SLC14A2: variants seen among roughly 807,000 people sequenced by gnomAD.
SLC14A2 encodes the protein solute carrier family 14 member 2.
In SLC14A2, 91 loss-of-function variants were observed where a neutral mutation model predicts 104.6. That is an observed-to-expected ratio of 0.87 (90% CI 0.73 to 1.04). The LOEUF is 1.04. Ranked by LOEUF, SLC14A2 falls within the 50% of genes least tolerant of loss-of-function variation. The pLI is 0.00. For missense variants in SLC14A2, 1,189 were observed against 1,156.0 expected (o/e 1.03, Z -0.41); for synonymous variants, 476 against 466.4 (o/e 1.02, Z -0.27).
chr18:45,246,214 A>G (rs1180165874), intron 1 of SLC14A2, among the ~76,000 whole-genome samples: 1 of 152,158 alleles, frequency 6.6e-6, no homozygotes, highest in Admixed American at 6.5e-5. Context: ...TGAGAACACA[A>G]TGAGAAGGTG....
intron 1 of SLC14A2, among the ~76,000 whole-genome samples, chr18:45,390,342 C>T (rs977491768): frequency 6.6e-6 from 1 of 152,098 alleles, no homozygotes; most frequent in African/African-American, 2.4e-5. Context: ...TTCCTCAGTG[C>T]TTGTAGGGCT....
At chr18:45,605,843 C>T (rs2044858985) in intron 2 of SLC14A2, among the ~76,000 whole-genome samples, 1 of 152,090 alleles carries the variant, frequency 6.6e-6, no homozygotes, top group African/African-American at 2.4e-5. Flanking sequence ...CAGCAGCCTG[C>T]AGTCTCCAGA....
intron 1 of SLC14A2, among the ~76,000 whole-genome samples, chr18:45,429,990 G>A (rs773187876): frequency 2.6e-5 from 4 of 152,172 alleles, no homozygotes; most frequent in Non-Finnish European, 5.9e-5. Flanking sequence ...AACTGACTGC[G>A]CTGTCTCTTG....
chr18:45,668,576 C>A, intron 15 of SLC14A2, 99 bp downstream of exon 15: 1 of 1,352,014 alleles, frequency 7.4e-7, no homozygotes, highest in Non-Finnish European at 1.0e-6. Flanking sequence ...ATTAAAGTGG[C>A]ATGTATTTAG....
At chr18:45,492,957 A>G (rs62093092) in intron 2 of SLC14A2, 23,253 of 152,124 alleles carry the variant, frequency 0.15, 1,863 homozygotes, top group Middle Eastern at 0.24. Flanking sequence ...TACTGCAGGG[A>G]TTTGGGTCTT....
intron 1 of SLC14A2, among the ~76,000 whole-genome samples, chr18:45,620,689 G>A (rs1019230083): frequency 4.0e-5 from 6 of 151,768 alleles, no homozygotes; most frequent in African/African-American, 1.5e-4. Context: ...AAATTCTTAC[G>A]GTTAGGAAAT....
intron 1 of SLC14A2, among the ~76,000 whole-genome samples, chr18:45,449,253 G>C (rs1197855913): frequency 3.3e-5 from 5 of 152,196 alleles, no homozygotes; most frequent in Non-Finnish European, 7.3e-5. Context: ...GACTATGAAA[G>C]AGCATATAGA....
At chr18:45,640,582 G>A (rs1945074170) in intron 7 of SLC14A2, among the ~76,000 whole-genome samples, 1 of 152,188 alleles carries the variant, frequency 6.6e-6, no homozygotes, top group African/African-American at 2.4e-5. Context: ...AGAGATTGGG[G>A]TAGGAGCATT....
intron 1 of SLC14A2, among the ~76,000 whole-genome samples, chr18:45,256,102 C>T (rs763406463): frequency 6.6e-6 from 1 of 152,136 alleles, no homozygotes; most frequent in Non-Finnish European, 1.5e-5. Context: ...AAATGTCCAC[C>T]CCTATCCCCA....
the SLC14A2 span, among the ~76,000 whole-genome samples, chr18:45,203,048 C>A: frequency 1.6e-4 from 24 of 152,186 alleles, no homozygotes; most frequent in African/African-American, 5.8e-4. Flanking sequence ...GAAGCAAATT[C>A]TCCAATGGCA....
the SLC14A2 span, among the ~76,000 whole-genome samples, chr18:45,181,883 TAAAC>T: frequency 6.6e-6 from 1 of 152,164 alleles, no homozygotes; most frequent in African/African-American, 2.4e-5. Context: ...TAATATGTAT[TAAAC>T]AAGAGTTTAT....
chr18:45,558,129 A>G (rs987910351), intron 2 of SLC14A2, among the ~76,000 whole-genome samples: 2 of 151,156 alleles, frequency 1.3e-5, no homozygotes, highest in African/African-American at 4.9e-5. Context: ...CTTTCCAGCT[A>G]CTCTCTCAAG....
chr18:45,277,943 G>C (rs886513598), intron 1 of SLC14A2, among the ~76,000 whole-genome samples: 10 of 152,022 alleles, frequency 6.6e-5, no homozygotes, highest in Non-Finnish European at 1.3e-4. Context: ...GTAAGTACAC[G>C]CTGCTTTTAC....
chr18:45,442,028 T>C (rs912061032), intron 1 of SLC14A2, among the ~76,000 whole-genome samples: 3 of 152,134 alleles, frequency 2.0e-5, no homozygotes, highest in Admixed American at 6.5e-5. Context: ...ACAAGGAAGA[T>C]GTATCATATC....
intron 4 of SLC14A2, among the ~76,000 whole-genome samples, chr18:45,628,836 TG>T (rs1428026151): frequency 2.0e-5 from 3 of 152,182 alleles, no homozygotes; most frequent in African/African-American, 7.2e-5. Flanking sequence ...TAATATAAAA[TG>T]CATTTCTTAC....
intron 2 of SLC14A2, among the ~76,000 whole-genome samples, chr18:45,539,797 C>T (rs1243804442): frequency 6.6e-6 from 1 of 150,796 alleles, no homozygotes; most frequent in African/African-American, 2.4e-5. Flanking sequence ...AGCTTTCATG[C>T]AAGCAGGGTA....
At chr18:45,547,150 A>C (rs975410460) in intron 2 of SLC14A2, among the ~76,000 whole-genome samples, 1 of 152,216 alleles carries the variant, frequency 6.6e-6, no homozygotes, top group African/African-American at 2.4e-5. Flanking sequence ...TGTAGTTATG[A>C]AACCAAGAAT....
intron 1 of SLC14A2, among the ~76,000 whole-genome samples, chr18:45,317,143 G>A (rs1013353083): frequency 6.6e-6 from 1 of 152,170 alleles, no homozygotes. Context: ...AACCACCTTA[G>A]ATTATAACTT....
the SLC14A2 span, among the ~76,000 whole-genome samples, chr18:45,177,286 T>C: frequency 1.3e-5 from 2 of 152,174 alleles, no homozygotes; most frequent in East Asian, 3.9e-4. Flanking sequence ...CCCTAATTCA[T>C]GTTCTTCTCA....
Sources: gnomAD v4.1 joint callset for allele counts (sites outside exome capture counted in the v4.1 genomes callset) on GRCh38, gnomAD v4.1.1 for gene constraint, MANE v1.5 for transcripts, NCBI Gene and HGNC (gene_info 2026-07-23, HGNC 2026-07-21) for gene names.